Variants in TBC1D1 observed in about 807,000 individuals in gnomAD.
The protein encoded by TBC1D1 is TBC1 domain family member 1, also known as TBC1 (tre-2/USP6, BUB2, cdc16) domain family, member 1.
Under a neutral mutation model 125.6 loss-of-function variants are expected in TBC1D1, and 89 were observed. That is an observed-to-expected ratio of 0.71 (90% CI 0.60 to 0.85). The LOEUF (loss-of-function observed/expected upper bound fraction) is 0.85, where lower values mean the gene tolerates loss of function less well. Among genes scored for constraint, TBC1D1 ranks in the 40% least tolerant of loss-of-function variants. The probability of loss-of-function intolerance (pLI) is 0.00; values close to 1 mark genes in which losing one functional copy is unlikely to be tolerated. For missense variants in TBC1D1, 1,377 were observed against 1,469.2 expected (o/e 0.94, Z 1.03); for synonymous variants, 565 against 564.1 (o/e 1.00, Z -0.02).
chr4:38,097,041 A>T (rs1759468117), intron 14 of TBC1D1, among the ~76,000 whole-genome samples: 5 of 152,202 alleles, frequency 3.3e-5, no homozygotes, highest in African/African-American at 1.2e-4. Flanking sequence ...ATCTGATTCT[A>T]TGCTACTGAG....
chr4:37,966,380 A>G (rs1409773759), intron 2 of TBC1D1, among the ~76,000 whole-genome samples: 1 of 152,236 alleles, frequency 6.6e-6, no homozygotes, highest in Non-Finnish European at 1.5e-5. Flanking sequence ...GGAAAATTCC[A>G]GGTTAGAAGA....
intron 2 of TBC1D1, among the ~76,000 whole-genome samples, chr4:37,908,424 C>T (rs11933871): frequency 0.3 from 44,993 of 151,804 alleles, 6,969 homozygotes; most frequent in African/African-American, 0.39. Context: ...CAGGCTTGTC[C>T]CGAACTCCTG....
At chr4:38,101,464 A>G (rs1016535845) in intron 14 of TBC1D1, among the ~76,000 whole-genome samples, 2 of 152,246 alleles carry the variant, frequency 1.3e-5, no homozygotes, top group African/African-American at 4.8e-5. Flanking sequence ...TTTGCCCTAA[A>G]TAACATCCTT....
At chr4:37,990,020 A>T (rs959796200) in intron 2 of TBC1D1, among the ~76,000 whole-genome samples, 2 of 152,262 alleles carry the variant, frequency 1.3e-5, no homozygotes, top group African/African-American at 4.8e-5. Context: ...GGACTGCCCA[A>T]GGCAGAGAAT....
intron 7 of TBC1D1, among the ~76,000 whole-genome samples, chr4:38,029,348 T>A (rs1745688829): frequency 6.6e-6 from 1 of 152,068 alleles, no homozygotes. Context: ...GTAAAAAAAA[T>A]GAAAGGATTG....
At chr4:37,992,432 T>C (rs1248735642) in intron 2 of TBC1D1, among the ~76,000 whole-genome samples, 1 of 152,012 alleles carries the variant, frequency 6.6e-6, no homozygotes, top group Non-Finnish European at 1.5e-5. Context: ...AAAGGCCTAT[T>C]TTAAGGAAAA....
chr4:38,044,672 G>A (rs1408194694), intron 9 of TBC1D1, among the ~76,000 whole-genome samples, 182 bp downstream of exon 9: 1 of 151,880 alleles, frequency 6.6e-6, no homozygotes, highest in Non-Finnish European at 1.5e-5. Flanking sequence ...ATTTGGCCTA[G>A]GTTTAAAAAA....
chr4:38,065,941 C>T (rs1041575959), intron 12 of TBC1D1, among the ~76,000 whole-genome samples: 5 of 152,158 alleles, frequency 3.3e-5, no homozygotes, highest in Non-Finnish European at 7.4e-5. Flanking sequence ...TGGGTCACCA[C>T]AACTGGACTT....
intron 2 of TBC1D1, among the ~76,000 whole-genome samples, chr4:37,994,605 CCCAAG>C (rs1301824704): frequency 6.6e-6 from 1 of 150,972 alleles, no homozygotes; most frequent in Non-Finnish European, 1.5e-5. Context: ...CAGATTTCTA[CCCAAG>C]CCAAAGGCAT....
At chr4:38,106,210 C>T (rs541725519) in intron 15 of TBC1D1, among the ~76,000 whole-genome samples, 2 of 152,274 alleles carry the variant, frequency 1.3e-5, no homozygotes, top group South Asian at 4.1e-4. Flanking sequence ...GCACTAGCAC[C>T]GCCATCTCAT....
rs1758199796 is a variant in TBC1D1, at chr4:38,090,214, G to A, written c.2236+97G>A. ...AGCATGCTGTCTTAAAAATACAGCAGCACGATAGTCTAATGTATACATCTA... is the reference window on the plus strand; with the variant it reads ...AGCATGCTGTCTTAAAAATACAGCAACACGATAGTCTAATGTATACATCTA... On this transcript the variant is annotated intron_variant, in intron 13 of 19. Coordinates refer to ENST00000261439, the MANE Select transcript of TBC1D1 (RefSeq NM_015173.4). 2.6e-6 allele frequency: 3 copies of A among 1,164,102 alleles called. No homozygotes were observed. The Admixed American group carries it at 6.3e-5, about 24-fold the overall frequency. 72.1% of individuals were successfully genotyped at this position (1,164,102 alleles called of 1,614,324 possible).
rs562398470 is a variant in TBC1D1, at chr4:38,031,651, CTG to C, written c.1302+3774_1302+3775del. On this transcript the variant is annotated intron_variant, in intron 7 of 19. Transcript: ENST00000261439. ...TTTTTTTAAGAGAAAGGGGCTCACTCTGTTACCCAGGCTGGAGCACAGTGGTT... is the reference window on the plus strand; with the variant it reads ...TTTTTTTAAGAGAAAGGGGCTCACTCTTACCCAGGCTGGAGCACAGTGGTT... Among the ~76,000 whole-genome samples, 344 of 152,252 alleles carry C rather than the reference CTG, an allele frequency of 2.3e-3. 1 individual carries two copies. Among genetic ancestry groups the C allele is most frequent in the Non-Finnish European group, 3.5e-3 (235 of 68,018 alleles).
intron 2 of TBC1D1, among the ~76,000 whole-genome samples, chr4:37,910,868 TAC>T (rs1342336882): frequency 1.3e-5 from 2 of 152,240 alleles, no homozygotes; most frequent in East Asian, 3.9e-4. Context: ...ATGTTGTTGT[TAC>T]ACGTTGTATG....
chr4:38,052,783 A>G (rs1751003553), intron 11 of TBC1D1, among the ~76,000 whole-genome samples: 1 of 147,610 alleles, frequency 6.8e-6, no homozygotes, highest in African/African-American at 2.5e-5. Context: ...TCTGTGTTTG[A>G]TCATGTACAC....
intron 2 of TBC1D1, among the ~76,000 whole-genome samples, chr4:37,908,723 A>G (rs965259833): frequency 6.6e-6 from 1 of 152,068 alleles, no homozygotes; most frequent in Non-Finnish European, 1.5e-5. Context: ...GAATCTGGTA[A>G]TTGCTAGCCT....
In TBC1D1 at chr4:38,103,096, G is replaced by C. The variant is rs780598959; in HGVS notation, c.2496G>C (p.Val832=). 146 of 1,613,990 alleles carry C rather than the reference G, an allele frequency of 9.0e-5. No individual in the cohort carries two copies. The highest frequency in any genetic ancestry group is 1.2e-4 in the Non-Finnish European group (142 of 1,180,030). ...CCAGCAAACAGCAGCCAAAGGATGT[G>C]CCATACAAAGAACTCTTAAAGCAGC... The change falls in exon 15 of 20, where the codon GTG becomes GTC. Residue 832 remains valine (V), a synonymous_variant. Coordinates refer to ENST00000261439, the MANE Select transcript of TBC1D1 (RefSeq NM_015173.4).
intron 2 of TBC1D1, among the ~76,000 whole-genome samples, chr4:37,989,821 G>T (rs1736195585): frequency 6.6e-6 from 1 of 152,200 alleles, no homozygotes; most frequent in South Asian, 2.1e-4. Context: ...CCTGAAATAG[G>T]TGTAGGGAGG....
chr4:38,104,096 C>T (rs192719352), intron 15 of TBC1D1, among the ~76,000 whole-genome samples: 2 of 137,644 alleles, frequency 1.5e-5, no homozygotes, highest in East Asian at 4.6e-4. Flanking sequence ...GGAGGCGGAG[C>T]TTGCAGTGAG....
chr4:38,022,745 G>A (rs1350025592), intron 6 of TBC1D1, among the ~76,000 whole-genome samples: 3 of 152,326 alleles, frequency 2.0e-5, no homozygotes, highest in East Asian at 3.9e-4. Context: ...CAGTGAAAGG[G>A]AGTGGTGATA....
Sources: allele counts gnomAD v4.1 joint callset (sites outside exome capture counted in the v4.1 genomes callset), GRCh38; gene constraint gnomAD v4.1.1; transcripts MANE v1.5; gene names NCBI Gene and HGNC (gene_info 2026-07-23, HGNC 2026-07-21).